MAF: variants seen among roughly 807,000 people sequenced by gnomAD.
The protein encoded by MAF is transcription factor Maf.
MAF carries 10 observed loss-of-function variants against 22.0 expected under a neutral mutation model. The observed-to-expected ratio is 0.45, with a 90% CI of 0.28 to 0.77. The LOEUF (loss-of-function observed/expected upper bound fraction) is 0.77. Ranked by LOEUF, MAF falls within the 30% of genes least tolerant of loss-of-function variation. MAF has a pLI of 0.12. For synonymous variants in MAF, 337 were observed against 255.8 expected, an observed-to-expected ratio of 1.32 and a Z score of -3.03; for missense variants, 544 against 548.4, an observed-to-expected ratio of 0.99 and a Z score of 0.08.
the MAF span, among the ~76,000 whole-genome samples, chr16:79,404,164 CTTTTT>C: frequency 8.2e-6 from 1 of 122,090 alleles, no homozygotes; most frequent in African/African-American, 3.1e-5. Context: ...TCTGGATTTT[CTTTTT>C]TTTTTTTTTT....
the MAF span, among the ~76,000 whole-genome samples, chr16:79,548,823 G>T: frequency 6.6e-6 from 1 of 152,106 alleles, no homozygotes; most frequent in Non-Finnish European, 1.5e-5. Flanking sequence ...AGACACACCA[G>T]AAGGTAACCT....
chr16:79,391,908 GAGA>G, the MAF span, among the ~76,000 whole-genome samples: 6 of 148,110 alleles, frequency 4.1e-5, no homozygotes, highest in Admixed American at 6.7e-5. Context: ...GCAGGAGGAG[GAGA>G]AGGAGGAGGA....
chr16:79,301,042 C>G, the MAF span, among the ~76,000 whole-genome samples: 10 of 151,728 alleles, frequency 6.6e-5, no homozygotes, highest in African/African-American at 1.7e-4. Context: ...AAATAGGTCC[C>G]CTGAAAAAAA....
the MAF span, among the ~76,000 whole-genome samples, chr16:79,473,954 G>A: frequency 6.6e-6 from 1 of 152,152 alleles, no homozygotes; most frequent in Admixed American, 6.5e-5. Context: ...TTTATAAAGT[G>A]GTCGAGTGGG....
chr16:79,448,675 T>A, the MAF span, among the ~76,000 whole-genome samples: 1 of 151,992 alleles, frequency 6.6e-6, no homozygotes, highest in African/African-American at 2.4e-5. Flanking sequence ...TCCACACGCC[T>A]CAACCTCCCA....
chr16:79,525,273 G>A, the MAF span, among the ~76,000 whole-genome samples: 2 of 152,150 alleles, frequency 1.3e-5, no homozygotes, highest in African/African-American at 4.8e-5. Context: ...CAATGCCTGG[G>A]ATGGATGTTT....
chr16:79,313,806 G>C, the MAF span, among the ~76,000 whole-genome samples: 1 of 152,126 alleles, frequency 6.6e-6, no homozygotes, highest in Non-Finnish European at 1.5e-5. Flanking sequence ...TAGATGTCAA[G>C]GGCCCAGGCT....
chr16:79,326,159 G>T, the MAF span, among the ~76,000 whole-genome samples: 1 of 152,100 alleles, frequency 6.6e-6, no homozygotes, highest in Non-Finnish European at 1.5e-5. Flanking sequence ...ATTTTTTATA[G>T]ACTGAAGATT....
At chr16:79,455,220 A>T in the MAF span, among the ~76,000 whole-genome samples, 3 of 152,186 alleles carry the variant, frequency 2.0e-5, no homozygotes, top group Non-Finnish European at 4.4e-5. Flanking sequence ...AGTATCCTCA[A>T]AGTGAAGCCA....
At chr16:79,518,348 A>G in the MAF span, among the ~76,000 whole-genome samples, 3 of 152,222 alleles carry the variant, frequency 2.0e-5, no homozygotes, top group African/African-American at 7.2e-5. Flanking sequence ...TTCTCTGGGC[A>G]TCTCAACAGT....
the MAF span, among the ~76,000 whole-genome samples, chr16:79,216,777 G>T: frequency 6.6e-6 from 1 of 151,200 alleles, no homozygotes; most frequent in African/African-American, 2.4e-5. Context: ...TGTAGTATAT[G>T]ATTTATGTAA....
chr16:79,449,560 A>G, the MAF span, among the ~76,000 whole-genome samples: 1 of 152,170 alleles, frequency 6.6e-6, no homozygotes, highest in South Asian at 2.1e-4. Context: ...TGCAGCAAAC[A>G]TTTATGAAGC....
the MAF span, among the ~76,000 whole-genome samples, chr16:79,496,020 A>G: frequency 6.6e-6 from 1 of 152,210 alleles, no homozygotes; most frequent in Non-Finnish European, 1.5e-5. Context: ...TGAGATAACC[A>G]TAGTCTTGGC....
the MAF span, among the ~76,000 whole-genome samples, chr16:79,509,083 A>G: frequency 6.6e-6 from 1 of 152,218 alleles, no homozygotes; most frequent in Non-Finnish European, 1.5e-5. Context: ...CTTCATATTT[A>G]TATCTCTGTT....
chr16:79,262,922 A>G, the MAF span, among the ~76,000 whole-genome samples: 1 of 152,228 alleles, frequency 6.6e-6, no homozygotes, highest in Admixed American at 6.5e-5. Flanking sequence ...CTCATAATGT[A>G]TGTTTGCAGC....
chr16:79,416,435 C>G, the MAF span, among the ~76,000 whole-genome samples: 18 of 150,674 alleles, frequency 1.2e-4, no homozygotes, highest in East Asian at 3.5e-3. Flanking sequence ...GCTTCTGTTT[C>G]TCTTCACGGT....
chr16:79,296,025 G>C, the MAF span, among the ~76,000 whole-genome samples: 5,925 of 152,304 alleles, frequency 0.039, 421 homozygotes, highest in African/African-American at 0.14. Flanking sequence ...GTCCCCCTCT[G>C]GCTGAATCAG....
chr16:79,391,988 G>C, the MAF span, among the ~76,000 whole-genome samples: 2 of 150,330 alleles, frequency 1.3e-5, no homozygotes, highest in Non-Finnish European at 3.0e-5. Context: ...GGAGAGGCGA[G>C]AGAGAAGGAG....
the MAF span, among the ~76,000 whole-genome samples, chr16:79,401,280 G>C: frequency 3.3e-5 from 5 of 152,146 alleles, no homozygotes; most frequent in Non-Finnish European, 7.3e-5. Flanking sequence ...GTTTCAAATA[G>C]ATTCCGATTT....
Sources: gnomAD v4.1 joint callset for allele counts (sites outside exome capture counted in the v4.1 genomes callset) on GRCh38, gnomAD v4.1.1 for gene constraint, MANE v1.5 for transcripts, NCBI Gene and HGNC (gene_info 2026-07-23, HGNC 2026-07-21) for gene names.